The following UGT1A9 variants were observed in gnomAD, a reference collection of about 807,000 sequenced individuals.
UGT1A9 encodes UDP-glucuronosyltransferase 1A9.
UGT1A9 carries 35 observed loss-of-function variants against 45.0 expected under a neutral mutation model. That is an observed-to-expected ratio of 0.78 (90% CI 0.59 to 1.03). The LOEUF (loss-of-function observed/expected upper bound fraction) is 1.03. Among genes scored for constraint, UGT1A9 ranks in the 50% least tolerant of loss-of-function variants. The pLI, the probability that UGT1A9 is intolerant of heterozygous loss-of-function variation, is 0.00. For missense variants in UGT1A9, 687 were observed against 666.6 expected, an observed-to-expected ratio of 1.03 and a Z score of -0.34; for synonymous variants, 278 against 250.6, an observed-to-expected ratio of 1.11 and a Z score of -1.03.
chr2:233,714,481 C>T (rs138449579), intron 1 of UGT1A9, among the ~76,000 whole-genome samples: 103 of 152,274 alleles, frequency 6.8e-4, no homozygotes, highest in African/African-American at 2.4e-3. Flanking sequence ...GAGAATGTTT[C>T]TTGTGAAGAC....
At chr2:233,698,042 AGTT>A (rs2075422971) in intron 1 of UGT1A9, among the ~76,000 whole-genome samples, 1 of 152,202 alleles carries the variant, frequency 6.6e-6, no homozygotes, top group Non-Finnish European at 1.5e-5. Context: ...TTTTTCAAAA[AGTT>A]GTACTCAGTT....
At chr2:233,737,942 T>G (rs866502344) in intron 1 of UGT1A9, among the ~76,000 whole-genome samples, 1 of 152,150 alleles carries the variant, frequency 6.6e-6, no homozygotes, top group Non-Finnish European at 1.5e-5. Flanking sequence ...GTCCATTGAC[T>G]GTTTCCCAAC....
At position 233,672,701 on chromosome 2, in the gene UGT1A9, A is replaced by C; in HGVS notation, c.767A>C (p.Asp256Ala). ...SHTSIWLLRT[D>A]FVLDYPKPVM... ...ACATCAATTTGGTTGTTGCGAACGG[A>C]CTTTGTTTTGGACTATCCCAAACCC... The change falls in exon 1 of 5, where the codon GAC (aspartate) becomes GCC (alanine). Residue 256 changes from aspartate to alanine, a missense_variant. Coordinates refer to ENST00000354728, the MANE Select transcript of UGT1A9 (RefSeq NM_021027.3). 3 of 1,613,920 alleles carry C rather than the reference A, an allele frequency of 1.9e-6. No individual in the cohort carries two copies. Among genetic ancestry groups the C allele is most frequent in the Non-Finnish European group, 2.5e-6 (3 of 1,179,840 alleles).
chr2:233,760,243 T>TAC (rs1697369137), intron 1 of UGT1A9: 1 of 1,608,014 alleles, frequency 6.2e-7, no homozygotes, highest in African/African-American at 1.3e-5. Flanking sequence ...CATATATATA[T>TAC]ATATAAGTAG....
rs66915469 is a variant in UGT1A9, at chr2:233,672,660, T to G, written c.726T>G (p.Tyr242Ter). The G allele has an allele frequency of 7.9e-5, 127 of 1,613,950 alleles. 1 individual carries two copies. In the East Asian group the frequency reaches 1.9e-3, roughly 25 times the overall value. The change falls in exon 1 of 5, where the codon TAT becomes TAG. Residue 242 changes from tyrosine (Y) to a stop codon, truncating the protein, a stop_gained. Transcript: ENST00000354728. LOFTEE classifies it high-confidence loss of function. ...SEILQTPVTE[Y>*]DLYSHTSIWL... is the part of the protein sequence containing the mutation. ...TTCTCCAAACACCTGTTACGGAGTA[T>G]GATCTCTACAGCCACACATCAATTT... is the stretch of plus-strand genomic sequence containing the variant.
At chr2:233,754,555 A>G in intron 1 of UGT1A9, 1 of 389,272 alleles carries the variant, frequency 2.6e-6, no homozygotes, top group South Asian at 1.9e-5. Flanking sequence ...CTTGGTGTCA[A>G]TGGGGAGCAA....
At chr2:233,707,760 G>C (rs2075985712) in intron 1 of UGT1A9, among the ~76,000 whole-genome samples, 1 of 152,188 alleles carries the variant, frequency 6.6e-6, no homozygotes, top group Non-Finnish European at 1.5e-5. Context: ...AAACACATGT[G>C]AGTGGGTTTT....
intron 1 of UGT1A9, among the ~76,000 whole-genome samples, chr2:233,745,202 AGAT>A (rs1693037434): frequency 6.6e-6 from 1 of 151,858 alleles, no homozygotes; most frequent in Admixed American, 6.5e-5. Flanking sequence ...ACAACCAGGG[AGAT>A]CCTCTCAGAC....
chr2:233,747,552 A>T, intron 1 of UGT1A9: 1 of 1,601,266 alleles, frequency 6.2e-7, no homozygotes, highest in Middle Eastern at 1.7e-4. Flanking sequence ...TTCTAAAAGT[A>T]TGGCAATTTT....
At chr2:233,771,209 T>A (rs1015017621) in intron 4 of UGT1A9, 1 of 152,162 alleles carries the variant, frequency 6.6e-6, no homozygotes. Context: ...TGGACAAATA[T>A]CCAAACTGTA....
intron 3 of UGT1A9, 102 bp from the exon 4 acceptor site, chr2:233,768,118 G>A (rs1575832144): frequency 6.2e-7 from 1 of 1,600,328 alleles, no homozygotes; most frequent in South Asian, 1.1e-5. Context: ...GCAAGGGCAT[G>A]TGAGTAACAC....
chr2:233,744,088 A>C, intron 1 of UGT1A9: 1 of 431,958 alleles, frequency 2.3e-6, no homozygotes, highest in South Asian at 2.0e-5. Context: ...CCCAAGATGC[A>C]GTGCTTCTGG....
chr2:233,752,761 A>G (rs1341964292), intron 1 of UGT1A9, among the ~76,000 whole-genome samples: 3 of 152,266 alleles, frequency 2.0e-5, no homozygotes, highest in African/African-American at 7.2e-5. Context: ...AAACAAACAA[A>G]CAAACAAACA....
intron 1 of UGT1A9, among the ~76,000 whole-genome samples, chr2:233,765,979 G>A (rs1451312439): frequency 1.3e-5 from 2 of 152,138 alleles, no homozygotes; most frequent in Non-Finnish European, 2.9e-5. Flanking sequence ...GATGTTTACA[G>A]CTCCTGAAGC....
At chr2:233,699,723 C>T (rs894867512) in intron 1 of UGT1A9, among the ~76,000 whole-genome samples, 5 of 152,172 alleles carry the variant, frequency 3.3e-5, no homozygotes, top group East Asian at 1.9e-4. Flanking sequence ...GCATTTTTTA[C>T]GGAGCGTTTT....
At chr2:233,716,524 C>T (rs1465366179) in intron 1 of UGT1A9, among the ~76,000 whole-genome samples, 1 of 152,198 alleles carries the variant, frequency 6.6e-6, no homozygotes. Flanking sequence ...GCTTACCATT[C>T]AATTATCTCC....
intron 1 of UGT1A9, among the ~76,000 whole-genome samples, chr2:233,727,224 G>A (rs1324084133): frequency 6.6e-6 from 1 of 152,098 alleles, no homozygotes; most frequent in Admixed American, 6.5e-5. Flanking sequence ...TTCCACATAT[G>A]CGGATGGCTC....
Position 233,767,868 on chromosome 2 carries a change from G to A in UGT1A9, c.1007G>A (p.Gly336Glu). 6.2e-7 allele frequency: 1 copy of A among 1,614,124 alleles called. No individual in the cohort carries two copies. The change falls in exon 3 of 5, where the codon GGA (glycine) becomes GAA (glutamate). Residue 336 changes from glycine to glutamate, a missense_variant. Physicochemically the swap from Gly to Glu is moderately conservative, Grantham distance 98 (BLOSUM62 -2). Coordinates refer to ENST00000354728, the MANE Select transcript of UGT1A9 (RefSeq NM_021027.3). ...TCCCAGGTCCTGTGGCGGTACACTG[G>A]AACCCGACCATCGAATCTTGCGAAC... ...IPQTVLWRYTGTRPSNLANNT... is the reference protein window; with the variant it reads ...IPQTVLWRYTETRPSNLANNT...
chr2:233,711,687 G>C (rs2125625049), intron 1 of UGT1A9, among the ~76,000 whole-genome samples: 1 of 152,298 alleles, frequency 6.6e-6, no homozygotes, highest in East Asian at 1.9e-4. Flanking sequence ...ATTTCTAATG[G>C]GGGTAACTTC....
Sources: allele counts gnomAD v4.1 joint callset (sites outside exome capture counted in the v4.1 genomes callset), GRCh38; gene constraint gnomAD v4.1.1; transcripts MANE v1.5; gene names NCBI Gene and HGNC (gene_info 2026-07-23, HGNC 2026-07-21).